DLC1: variants seen among roughly 807,000 people sequenced by gnomAD.
The protein encoded by DLC1 is rho GTPase-activating protein 7.
In DLC1, 54 loss-of-function variants were observed where a neutral mutation model predicts 140.3. That is an observed-to-expected ratio of 0.38 (90% CI 0.31 to 0.48). The LOEUF is 0.48. Ranked by LOEUF, DLC1 falls within the 20% of genes least tolerant of loss-of-function variation. The pLI, the probability that DLC1 is intolerant of heterozygous loss-of-function variation, is 0.96. For synonymous variants in DLC1, 986 were observed against 728.1 expected, an observed-to-expected ratio of 1.35 and a Z score of -5.70; for missense variants, 2,536 against 1,907.0, an observed-to-expected ratio of 1.33 and a Z score of -6.14.
At chr8:13,197,143 G>C (rs557176173) in intron 5 of DLC1, among the ~76,000 whole-genome samples, 1 of 152,188 alleles carries the variant, frequency 6.6e-6, no homozygotes, top group South Asian at 2.1e-4. Flanking sequence ...GATGTCTAGT[G>C]GGTAAAGGTA....
At chr8:13,520,814 G>T (rs1055528940) in intron 1 of DLC1, among the ~76,000 whole-genome samples, 4 of 151,908 alleles carry the variant, frequency 2.6e-5, no homozygotes, top group African/African-American at 9.7e-5. Context: ...TAGAGGCTGA[G>T]GCTCTTCCTC....
chr8:13,115,264 C>G (rs657186), intron 6 of DLC1, among the ~76,000 whole-genome samples: 136,151 of 152,202 alleles, frequency 0.89, 60,927 homozygotes, highest in East Asian at 0.96. Flanking sequence ...TTTTTATAAA[C>G]GTAAAAATTA....
At chr8:13,334,412 G>T (rs921804237) in intron 4 of DLC1, among the ~76,000 whole-genome samples, 1 of 152,156 alleles carries the variant, frequency 6.6e-6, no homozygotes, top group Non-Finnish European at 1.5e-5. Context: ...CAGAAATGGG[G>T]AGCAGCTGGA....
intron 4 of DLC1, among the ~76,000 whole-genome samples, chr8:13,391,373 A>G (rs1836754256): frequency 6.6e-6 from 1 of 152,124 alleles, no homozygotes; most frequent in Non-Finnish European, 1.5e-5. Context: ...GCTGGATACT[A>G]CTCGCATCCA....
chr8:13,579,245 C>CAT (rs749246152), intron 1 of DLC1, among the ~76,000 whole-genome samples: 332 of 18,896 alleles, frequency 0.018, 67 homozygotes, highest in African/African-American at 0.046. Context: ...GAACAGGGAG[C>CAT]ATATATATAT....
At chr8:13,537,932 G>A (rs1803344590) in intron 1 of DLC1, among the ~76,000 whole-genome samples, 1 of 152,060 alleles carries the variant, frequency 6.6e-6, no homozygotes, top group Non-Finnish European at 1.5e-5. Context: ...GGGATTACAG[G>A]CGTGAGCCAC....
At chr8:13,115,553 G>C in intron 6 of DLC1, 33 bp downstream of exon 6, 1 of 1,593,302 alleles carries the variant, frequency 6.3e-7, no homozygotes, top group Non-Finnish European at 8.6e-7. Context: ...TTATGATTAT[G>C]CCAACTTTTA....
chr8:13,499,368 C>T lies in DLC1; in HGVS notation c.704G>A (p.Arg235Gln), dbSNP rs140615088. The change falls in exon 2 of 18, where the codon CGA (arginine) becomes CAA (glutamine). Residue 235 changes from arginine (R) to glutamine (Q), a missense_variant. Coordinates refer to ENST00000276297, the MANE Select transcript of DLC1 (RefSeq NM_182643.3). ...ATCTTTAGGGGGGTCAGGTTTCCTT[C>T]GTTGCTGAGCAATTACAGCAGAGTT... ...LLNSAVIAQQ[R>Q]RKPDPPKDEN... is the part of the protein sequence containing the mutation. The T allele has an allele frequency of 2.8e-4, 458 of 1,613,808 alleles. No homozygotes were observed. The highest frequency in any genetic ancestry group is 3.7e-4 in the Non-Finnish European group (439 of 1,180,006).
chr8:13,463,535 ACTTGTGTTTAC>A (rs2117034067), intron 2 of DLC1, among the ~76,000 whole-genome samples: 1 of 152,220 alleles, frequency 6.6e-6, no homozygotes, highest in Non-Finnish European at 1.5e-5. Context: ...AAAAGGCTTT[ACTTGTGTTTAC>A]CTTTGAAATA....
At chr8:13,429,683 T>G in intron 2 of DLC1, among the ~76,000 whole-genome samples, 1 of 152,224 alleles carries the variant, frequency 6.6e-6, no homozygotes, top group East Asian at 1.9e-4. Flanking sequence ...TTTTTATTTA[T>G]TGGCAGCAAC....
chr8:13,395,133 T>TC (rs1836975496), intron 3 of DLC1, among the ~76,000 whole-genome samples: 1 of 151,868 alleles, frequency 6.6e-6, no homozygotes, highest in Non-Finnish European at 1.5e-5. Flanking sequence ...TTCTTTTTTT[T>TC]TTTTTGGAAT....
At chr8:13,424,953 G>A (rs1431140083) in intron 2 of DLC1, among the ~76,000 whole-genome samples, 1 of 152,102 alleles carries the variant, frequency 6.6e-6, no homozygotes, top group African/African-American at 2.4e-5. Flanking sequence ...AATATAAATG[G>A]CTATAAATAT....
intron 5 of DLC1, among the ~76,000 whole-genome samples, chr8:13,120,356 A>AAAAAAAAAAAAAATAT: frequency 2.1e-4 from 13 of 61,136 alleles, no homozygotes; most frequent in African/African-American, 5.4e-4. Flanking sequence ...AAAAAAAAAA[A>AAAAAAAAAAAAAATAT]ATATATATAT....
chr8:13,441,258 C>A (rs289628), intron 2 of DLC1, among the ~76,000 whole-genome samples: 32,538 of 151,940 alleles, frequency 0.21, 4,194 homozygotes, highest in African/African-American at 0.36. Context: ...TATTATACTG[C>A]ATGGGCAAAA....
chr8:13,500,001 G>A lies in DLC1; in HGVS notation c.71C>T (p.Ser24Phe), dbSNP rs983125698. The A allele has an allele frequency of 6.2e-7, 1 of 1,614,064 alleles. No individual in the cohort carries two copies. The highest frequency in any genetic ancestry group is 1.3e-5 in the African/African-American group (1 of 75,046). ...ATGACATGCTGTGTTACGATCATCAGAATTAAAAGGCTGTCCCATCCAGTG... is the reference window on the plus strand; with the variant it reads ...ATGACATGCTGTGTTACGATCATCAAAATTAAAAGGCTGTCCCATCCAGTG... ...VTHWMGQPFN[S>F]DDRNTACHHG... is the part of the protein sequence containing the mutation. The change falls in exon 2 of 18, where the codon TCT becomes TTT. Residue 24 changes from serine (S) to phenylalanine (F), a missense_variant. Coordinates refer to ENST00000276297, the MANE Select transcript of DLC1 (RefSeq NM_182643.3).
At chr8:13,552,035 G>A (rs1432161064) in intron 1 of DLC1, among the ~76,000 whole-genome samples, 1 of 140,116 alleles carries the variant, frequency 7.1e-6, no homozygotes, top group African/African-American at 2.6e-5. Flanking sequence ...ATATATGTGT[G>A]TGTGTATATA....
chr8:13,562,791 T>C (rs1297043142), intron 1 of DLC1, among the ~76,000 whole-genome samples: 2 of 152,064 alleles, frequency 1.3e-5, no homozygotes, highest in African/African-American at 4.8e-5. Context: ...CCCGTCAAAA[T>C]GTGTGAATAA....
intron 2 of DLC1, among the ~76,000 whole-genome samples, chr8:13,456,197 C>T (rs547166977): frequency 2.0e-5 from 3 of 152,132 alleles, no homozygotes; most frequent in African/African-American, 7.2e-5. Flanking sequence ...AACATTTTGG[C>T]CTTTGCATCT....
chr8:13,400,942 G>T (rs1837265282), intron 3 of DLC1, among the ~76,000 whole-genome samples: 1 of 152,162 alleles, frequency 6.6e-6, no homozygotes, highest in Admixed American at 6.5e-5. Context: ...ACAATTCTCA[G>T]CTCTGTCTCT....
Sources: gnomAD v4.1 joint callset for allele counts (sites outside exome capture counted in the v4.1 genomes callset) on GRCh38, gnomAD v4.1.1 for gene constraint, MANE v1.5 for transcripts, NCBI Gene and HGNC (gene_info 2026-07-23, HGNC 2026-07-21) for gene names.